Variants in SLC36A1 observed in about 807,000 individuals in gnomAD.
The protein encoded by SLC36A1 is proton-coupled amino acid transporter 1.
A neutral mutation model predicts 47.5 loss-of-function variants in SLC36A1; 30 were observed. That is an observed-to-expected ratio of 0.63 (90% confidence interval 0.47 to 0.86). The LOEUF is 0.86. Among genes scored for constraint, SLC36A1 ranks in the 40% least tolerant of loss-of-function variants. The pLI is 0.00. For synonymous variants in SLC36A1, 255 were observed against 249.7 expected (o/e 1.02, Z -0.20); for missense variants, 517 against 606.0 (o/e 0.85, Z 1.54).
the SLC36A1 span, among the ~76,000 whole-genome samples, chr5:151,360,770 A>T: frequency 6.6e-6 from 1 of 152,210 alleles, no homozygotes; most frequent in Non-Finnish European, 1.5e-5. Context: ...TCAGATTTTT[A>T]AATGCCAATT....
At chr5:151,424,981 A>G in the SLC36A1 span, among the ~76,000 whole-genome samples, 53,493 of 152,116 alleles carry the variant, frequency 0.35, 12,552 homozygotes, top group African/African-American at 0.68. Context: ...TATATGGTGT[A>G]TAAAGGATAC....
chr5:151,347,463 C>T, the SLC36A1 span: 1 of 1,613,682 alleles, frequency 6.2e-7, no homozygotes, highest in Non-Finnish European at 8.5e-7. Context: ...ACAGACATGA[C>T]TGCTTAAGAA....
At chr5:151,438,252 T>C (rs547432949) in intron 1 of SLC36A1, among the ~76,000 whole-genome samples, 66 of 152,352 alleles carry the variant, frequency 4.3e-4, no homozygotes, top group Middle Eastern at 3.4e-3. Context: ...ACAGCCTTTT[T>C]ATTCTTAAAA....
chr5:151,361,163 T>C, the SLC36A1 span, among the ~76,000 whole-genome samples: 3 of 152,230 alleles, frequency 2.0e-5, no homozygotes, highest in Non-Finnish European at 2.9e-5. Flanking sequence ...TTTGATGATA[T>C]TCTATCAGCA....
the SLC36A1 span, among the ~76,000 whole-genome samples, chr5:151,389,428 T>C: frequency 1.1e-4 from 16 of 150,870 alleles, no homozygotes; most frequent in African/African-American, 3.7e-4. Flanking sequence ...TTTTAAATTA[T>C]ACTTTAAGTT....
the SLC36A1 span, among the ~76,000 whole-genome samples, chr5:151,354,299 G>A: frequency 1.3e-5 from 2 of 152,310 alleles, no homozygotes; most frequent in African/African-American, 4.8e-5. Flanking sequence ...ACAAGATTCT[G>A]TCTCAAATAA....
chr5:151,521,275 C>T, the SLC36A1 span: 1 of 1,602,554 alleles, frequency 6.2e-7, no homozygotes. Context: ...GTAGTACTTA[C>T]CATTGCAGGA....
chr5:151,471,261 G>T (rs774668817), intron 7 of SLC36A1, among the ~76,000 whole-genome samples: 54 of 152,182 alleles, frequency 3.5e-4, no homozygotes, highest in Non-Finnish European at 6.5e-4. Context: ...TGACGACAAG[G>T]GAGGACTTAC....
chr5:151,469,344 G>A, intron 7 of SLC36A1: 1 of 663,116 alleles, frequency 1.5e-6, no homozygotes, highest in Admixed American at 2.1e-5. Context: ...AAAGTTACAT[G>A]TTCATCTACC....
chr5:151,376,431 A>G, the SLC36A1 span, among the ~76,000 whole-genome samples: 2 of 151,706 alleles, frequency 1.3e-5, no homozygotes, highest in East Asian at 3.9e-4. Flanking sequence ...TTCTGCTCTA[A>G]TCTTTATTAT....
At chr5:151,389,109 A>G in the SLC36A1 span, among the ~76,000 whole-genome samples, 2 of 152,220 alleles carry the variant, frequency 1.3e-5, no homozygotes, top group Non-Finnish European at 2.9e-5. Context: ...TTCAAAGTCC[A>G]TAGTATTTCA....
upstream of SLC36A1, among the ~76,000 whole-genome samples, chr5:151,443,623 C>T (rs533895435): frequency 6.6e-6 from 1 of 152,272 alleles, no homozygotes; most frequent in South Asian, 2.1e-4. Context: ...GCTGCCGTTA[C>T]ACTTTGTTGA....
intron 10 of SLC36A1, among the ~76,000 whole-genome samples, chr5:151,482,122 A>G (rs1416716932): frequency 6.6e-6 from 1 of 152,250 alleles, no homozygotes; most frequent in Non-Finnish European, 1.5e-5. Context: ...GCAGAGCTGC[A>G]AAACATTCCA....
chr5:151,375,336 T>C, the SLC36A1 span, among the ~76,000 whole-genome samples: 2 of 152,216 alleles, frequency 1.3e-5, no homozygotes, highest in African/African-American at 4.8e-5. Flanking sequence ...CCAGTGTATG[T>C]TTTTGTCAAC....
the SLC36A1 span, chr5:151,553,493 C>T: frequency 1.7e-5 from 16 of 954,916 alleles, no homozygotes; most frequent in East Asian, 3.9e-4. Flanking sequence ...CCAAGCAGGC[C>T]TCTCATCCAG....
the SLC36A1 span, among the ~76,000 whole-genome samples, chr5:151,419,291 G>A: frequency 9.1e-4 from 139 of 152,282 alleles, 4 homozygotes; most frequent in Admixed American, 8.3e-3. Context: ...ATGATTTGCT[G>A]TGTACCCCTG....
At chr5:151,534,970 A>AATATATATATATATATATATATGTATAT in the SLC36A1 span, among the ~76,000 whole-genome samples, 1 of 106,390 alleles carries the variant, frequency 9.4e-6, no homozygotes, top group African/African-American at 3.0e-5. Context: ...CTTCTAGGAA[A>AATATATATATATATATATATATGTATAT]ATATATATAT....
At chr5:151,438,263 G>C (rs753992355) in intron 1 of SLC36A1, among the ~76,000 whole-genome samples, 1 of 152,144 alleles carries the variant, frequency 6.6e-6, no homozygotes, top group African/African-American at 2.4e-5. Flanking sequence ...ATTCTTAAAA[G>C]TGTCTCCACT....
chr5:151,523,705 T>A, the SLC36A1 span, among the ~76,000 whole-genome samples: 1 of 152,322 alleles, frequency 6.6e-6, no homozygotes, highest in South Asian at 2.1e-4. Context: ...ATCACATCCA[T>A]GCTCTTGGCT....
Sources: allele counts gnomAD v4.1 joint callset (sites outside exome capture counted in the v4.1 genomes callset), GRCh38; gene constraint gnomAD v4.1.1; transcripts MANE v1.5; gene names NCBI Gene and HGNC (gene_info 2026-07-23, HGNC 2026-07-21).